The following NAV1 variants were observed in gnomAD, a reference collection of about 807,000 sequenced individuals.
NAV1 encodes pore membrane and/or filament interacting like protein 3.
NAV1 carries 18 observed loss-of-function variants against 175.2 expected under a neutral mutation model. The ratio of observed to expected loss-of-function variants is 0.10; its 90% CI spans 0.07 to 0.15. The LOEUF is 0.15. Ranked by LOEUF, NAV1 falls within the 10% of genes least tolerant of loss-of-function variation. The probability of loss-of-function intolerance (pLI) is 1.00; values close to 1 mark genes in which losing one functional copy is unlikely to be tolerated. For missense variants in NAV1, 1,731 were observed against 2,436.6 expected (o/e 0.71, Z 6.10); for synonymous variants, 897 against 978.7 (o/e 0.92, Z 1.56).
At chr1:201,713,998 A>G (rs1487624364) in intron 2 of NAV1, among the ~76,000 whole-genome samples, 1 of 152,192 alleles carries the variant, frequency 6.6e-6, no homozygotes, top group East Asian at 1.9e-4. Flanking sequence ...ATTTTTAAAG[A>G]CCGAGTCTCA....
chr1:201,630,138 G>C (rs971698013), intron 2 of NAV1, among the ~76,000 whole-genome samples: 21 of 152,168 alleles, frequency 1.4e-4, no homozygotes, highest in African/African-American at 4.8e-4. Flanking sequence ...AGTGTCTTGG[G>C]TACCATAGGT....
At chr1:201,686,116 C>T (rs571943007) in intron 1 of NAV1, among the ~76,000 whole-genome samples, 1 of 152,164 alleles carries the variant, frequency 6.6e-6, no homozygotes, top group Non-Finnish European at 1.5e-5. Flanking sequence ...ACCTAATAAG[C>T]ACCGAGGGAC....
intron 2 of NAV1, among the ~76,000 whole-genome samples, chr1:201,631,076 A>T (rs1266376218): frequency 6.6e-6 from 1 of 152,032 alleles, no homozygotes; most frequent in South Asian, 2.1e-4. Flanking sequence ...CTCTGGGGGG[A>T]CAGAGTGCCG....
rs759147285 is a variant in NAV1 at position 201,793,774 on chromosome 1, T to C, written c.3322-18T>C. 9.3e-6 allele frequency: 15 copies of C among 1,612,082 alleles called. No individual in the cohort carries two copies. The highest frequency in any genetic ancestry group is 1.3e-5 in the Non-Finnish European group (15 of 1,179,076). On this transcript the variant is annotated intron_variant, in intron 13 of 29. Transcript: ENST00000367296. The stretch of plus-strand genomic sequence containing the variant: ...CAGCCTTATGCAACTTAGCAATCTC[T>C]TTCTGTGTTTGTTTCAGGCTAATCT...
At chr1:201,608,217 CT>C (rs1359575985) in intron 2 of NAV1, among the ~76,000 whole-genome samples, 1 of 152,140 alleles carries the variant, frequency 6.6e-6, no homozygotes, top group Non-Finnish European at 1.5e-5. Context: ...GGTTAAGTAA[CT>C]TTCCCAAAAC....
At chr1:201,551,727 A>G (rs1435399451) in intron 1 of NAV1, among the ~76,000 whole-genome samples, 1 of 152,228 alleles carries the variant, frequency 6.6e-6, no homozygotes, top group Non-Finnish European at 1.5e-5. Context: ...ACCCAGTCAA[A>G]AAAATAACGT....
At chr1:201,617,699 G>A (rs954052352) in intron 2 of NAV1, among the ~76,000 whole-genome samples, 2 of 152,192 alleles carry the variant, frequency 1.3e-5, no homozygotes, top group African/African-American at 4.8e-5. Context: ...CTGCTCTCCA[G>A]CCTGGGCCCT....
At chr1:201,795,203 A>G (rs954434493) in intron 15 of NAV1, 3 of 152,448 alleles carry the variant, frequency 2.0e-5, no homozygotes, top group African/African-American at 7.2e-5. Flanking sequence ...GCTTTTTTCA[A>G]GCTCCTCATT....
chr1:201,742,737 ACT>A (rs1184734212), intron 3 of NAV1, among the ~76,000 whole-genome samples: 2 of 151,884 alleles, frequency 1.3e-5, no homozygotes, highest in African/African-American at 4.8e-5. Flanking sequence ...CTTGGCACAA[ACT>A]CAGCCTCTGT....
intron 3 of NAV1, among the ~76,000 whole-genome samples, chr1:201,769,102 C>T (rs1269808239): frequency 6.6e-6 from 1 of 152,212 alleles, no homozygotes; most frequent in African/African-American, 2.4e-5. Flanking sequence ...GCTCTTTGCC[C>T]TGTCTCCTTA....
At position 201,776,901 on chromosome 1, in the gene NAV1, G is replaced by A. The variant is rs142700672; in HGVS notation, c.1227-3520G>A. On this transcript the variant is annotated intron_variant, in intron 3 of 29. Coordinates refer to ENST00000367296, the Ensembl canonical transcript of NAV1. ...TCCCACACCAAGGCACATCATTAGCGATGTTTCAGTGCACAAGAAGATGCT... is the reference window on the plus strand; with the variant it reads ...TCCCACACCAAGGCACATCATTAGCAATGTTTCAGTGCACAAGAAGATGCT... Among the ~76,000 whole-genome samples, 415 of 152,104 alleles carry A rather than the reference G, an allele frequency of 2.7e-3. 4 individuals carry two copies. The highest frequency in any genetic ancestry group is 9.7e-3 in the African/African-American group (403 of 41,482).
intron 2 of NAV1, among the ~76,000 whole-genome samples, chr1:201,714,597 G>A (rs569760613): frequency 6.6e-6 from 1 of 152,208 alleles, no homozygotes; most frequent in East Asian, 1.9e-4. Context: ...ATAGCCCCAA[G>A]CCCCCAGCAG....
chr1:201,671,335 G>A (rs1403954470), intron 1 of NAV1, among the ~76,000 whole-genome samples: 1 of 152,108 alleles, frequency 6.6e-6, no homozygotes, highest in African/African-American at 2.4e-5. Context: ...CTCCAGATAT[G>A]TTAAGGTGCT....
chr1:201,760,370 T>C (rs1481724690), intron 3 of NAV1, among the ~76,000 whole-genome samples: 2 of 152,214 alleles, frequency 1.3e-5, no homozygotes, highest in Admixed American at 1.3e-4. Flanking sequence ...TAAACTTTTT[T>C]AAAAAAGAAT....
intron 1 of NAV1, among the ~76,000 whole-genome samples, chr1:201,650,802 G>A (rs888587194): frequency 2.0e-5 from 3 of 152,178 alleles, no homozygotes; most frequent in African/African-American, 7.2e-5. Context: ...GCAATCAGGA[G>A]ACTGGACAAG....
At chr1:201,685,896 C>T (rs1251158773) in intron 1 of NAV1, among the ~76,000 whole-genome samples, 1 of 152,178 alleles carries the variant, frequency 6.6e-6, no homozygotes, top group Non-Finnish European at 1.5e-5. Context: ...ATGATGGATA[C>T]ATGGGAAACT....
intron 1 of NAV1, among the ~76,000 whole-genome samples, chr1:201,543,446 G>A (rs1665572431): frequency 2.0e-5 from 3 of 151,150 alleles, no homozygotes; most frequent in Admixed American, 6.6e-5. Flanking sequence ...GCCTTACACT[G>A]ATTGTTTTTC....
chr1:201,789,674 A>T, intron 10 of NAV1, 66 bp from the exon 15 acceptor site: 2 of 1,416,782 alleles, frequency 1.4e-6, no homozygotes, highest in Non-Finnish European at 2.0e-6. Context: ...TGCCTTAGGG[A>T]GTCTTCCAAA....
In NAV1 at chr1:201,788,382, C is replaced by A; in HGVS notation, c.2996-86C>A. 1.4e-6 allele frequency: 2 copies of A among 1,449,208 alleles called. No homozygotes were observed. Among genetic ancestry groups the A allele is most frequent in the Non-Finnish European group, 9.6e-7 (1 of 1,040,850 alleles). The allele number at this position is 1,449,208 out of a possible 1,614,324, so 89.8% of individuals were successfully genotyped here. ...CCTCTCATGCTCCCGGTGCTCCATC[C>A]CCCAAGGGCCCGGAGAGCTGATGAC... On this transcript the variant is annotated intron_variant, in intron 9 of 29. Transcript: ENST00000367296. This position sits in a 1 kb window ranked among gnomAD's most constrained non-coding sequence, Gnocchi z 5.7.
Sources: allele counts gnomAD v4.1 joint callset (sites outside exome capture counted in the v4.1 genomes callset), GRCh38; gene constraint gnomAD v4.1.1; non-coding constraint Gnocchi (gnomAD v3.1); transcripts MANE v1.5; gene names NCBI Gene and HGNC (gene_info 2026-07-23, HGNC 2026-07-21).